Variants in TTC34 observed in about 807,000 individuals in gnomAD.
TTC34 encodes the protein tetratricopeptide repeat domain 34.
In TTC34, 44 loss-of-function variants were observed where a neutral mutation model predicts 40.7. The observed-to-expected ratio is 1.08, with a 90% CI of 0.85 to 1.39. The LOEUF (loss-of-function observed/expected upper bound fraction) is 1.39. TTC34 is among the 40% of genes most tolerant of loss of function. The pLI, the probability that TTC34 is intolerant of heterozygous loss-of-function variation, is 0.00. For missense variants in TTC34, 884 were observed against 838.0 expected (o/e 1.05, Z -0.68); for synonymous variants, 422 against 398.6 (o/e 1.06, Z -0.70).
chr1:2,795,470 G>A (rs1386866859), intron 2 of TTC34, among the ~76,000 whole-genome samples: 2 of 152,190 alleles, frequency 1.3e-5, no homozygotes, highest in African/African-American at 4.8e-5. Flanking sequence ...TCTCTCACTG[G>A]TCATGATTCC....
chr1:2,754,907 G>A (rs1324833795), intron 6 of TTC34, among the ~76,000 whole-genome samples: 1 of 25,690 alleles, frequency 3.9e-5, no homozygotes, highest in Admixed American at 3.8e-4. Flanking sequence ...CACCCCCAGG[G>A]GAGCATCTGA....
rs1368225493 is a variant in TTC34, at chr1:2,641,827, CG to C, written c.2780del (p.Ser927CysfsTer62). On this transcript the variant is annotated frameshift_variant, in exon 9 of 9. Coordinates refer to ENST00000401095, the Ensembl canonical transcript of TTC34. LOFTEE classifies it low-confidence loss of function (END_TRUNC). The stretch of plus-strand genomic sequence containing the variant: ...TGCTGCCACTGGCCAGGACAGACAG[CG>C]AACAGTAGCCCAGCGCCTGCCTGGG... The C allele has an allele frequency of 4.9e-5, 75 of 1,531,482 alleles. No homozygotes were observed. In the African/African-American group the frequency reaches 8.5e-4, roughly 17 times the overall value. 94.9% of individuals were successfully genotyped at this position (1,531,482 alleles called of 1,614,324 possible). A position where few individuals can be genotyped will look rare whatever the true frequency, so the allele number is the denominator to read the frequency against.
intron 6 of TTC34, among the ~76,000 whole-genome samples, chr1:2,653,990 G>C (rs1224972522): frequency 2.0e-5 from 3 of 151,172 alleles, no homozygotes; most frequent in African/African-American, 7.3e-5. Context: ...GCATCGGAGA[G>C]TCTGGAGCAG....
chr1:2,676,909 C>T (rs1639923710), intron 6 of TTC34, among the ~76,000 whole-genome samples: 1 of 135,276 alleles, frequency 7.4e-6, no homozygotes, highest in Admixed American at 7.2e-5. Flanking sequence ...CATCTGACAG[C>T]CTGGAGCAGC....
intron 6 of TTC34, among the ~76,000 whole-genome samples, chr1:2,652,584 A>G (rs1436179276): frequency 6.6e-5 from 10 of 151,884 alleles, no homozygotes; most frequent in Admixed American, 2.6e-4. Context: ...AGCATTGGAC[A>G]GCCTGGAGCA....
intron 6 of TTC34, among the ~76,000 whole-genome samples, chr1:2,754,778 C>T (rs1218247039): frequency 6.7e-6 from 1 of 148,322 alleles, no homozygotes; most frequent in Non-Finnish European, 1.5e-5. Context: ...AGCACCCACA[C>T]CCACAGGTGA....
intron 6 of TTC34, among the ~76,000 whole-genome samples, chr1:2,692,645 T>TCTGACAG (rs1640678773): frequency 1.4e-5 from 1 of 70,020 alleles, no homozygotes; most frequent in Non-Finnish European, 2.7e-5. Context: ...GCATCTGACA[T>TCTGACAG]CGTGGAGCAG....
intron 6 of TTC34, among the ~76,000 whole-genome samples, chr1:2,755,268 A>G (rs1417360698): frequency 0.013 from 114 of 8,446 alleles, no homozygotes; most frequent in East Asian, 0.056. Context: ...ACACCCCCTG[A>G]TGAGCATCTG....
intron 6 of TTC34, among the ~76,000 whole-genome samples, chr1:2,695,579 C>G (rs1015248117): frequency 9.6e-5 from 5 of 52,024 alleles, no homozygotes; most frequent in African/African-American, 3.3e-4. Flanking sequence ...ATCAGACAGC[C>G]TGGAGCAGCA....
chr1:2,795,852 T>C (rs1643706427), intron 2 of TTC34, among the ~76,000 whole-genome samples: 1 of 152,224 alleles, frequency 6.6e-6, no homozygotes, highest in African/African-American at 2.4e-5. Flanking sequence ...ACATCGTGTA[T>C]CGCTGCATGT....
At position 2,686,630 on chromosome 1, in the gene TTC34, C is replaced by A. The variant is rs557721406; in HGVS notation, c.2227-41067G>T. Among the ~76,000 whole-genome samples the A allele has an allele frequency of 1.1e-3, 169 of 149,882 alleles. 3 individuals are homozygous for A. Among genetic ancestry groups the A allele is most frequent in the African/African-American group, 3.6e-3 (143 of 40,228 alleles). ...CAGGCGAGCATCTGACAGCATGTAACAGCACCCACACACCCAGGTGAGCAT... is the reference window on the plus strand; with the variant it reads ...CAGGCGAGCATCTGACAGCATGTAAAAGCACCCACACACCCAGGTGAGCAT... On this transcript the variant is annotated intron_variant, in intron 6 of 8. Coordinates refer to ENST00000401095, the Ensembl canonical transcript of TTC34.
intron 6 of TTC34, among the ~76,000 whole-genome samples, chr1:2,777,568 G>A (rs1643284690): frequency 1.3e-5 from 2 of 152,174 alleles, no homozygotes; most frequent in African/African-American, 4.8e-5. Flanking sequence ...CCAAGGCTGA[G>A]AGACAGGACA....
intron 6 of TTC34, among the ~76,000 whole-genome samples, chr1:2,759,963 A>AAGTGAGCATCTGACAGCCAGACCC (rs1641641417): frequency 1.1e-4 from 4 of 36,638 alleles, no homozygotes; most frequent in Non-Finnish European, 1.9e-4. Context: ...CACCCACACC[A>AAGTGAGCATCTGACAGCCAGACCC]CCAGGTGAGC....
At chr1:2,676,882 C>T (rs1301562686) in intron 6 of TTC34, among the ~76,000 whole-genome samples, 1 of 128,654 alleles carries the variant, frequency 7.8e-6, no homozygotes, top group Non-Finnish European at 1.7e-5. Flanking sequence ...GAGCCGCACC[C>T]CACACCCACA....
chr1:2,750,393 C>T (rs1192501910), intron 6 of TTC34, among the ~76,000 whole-genome samples: 1 of 104,074 alleles, frequency 9.6e-6, no homozygotes, highest in African/African-American at 4.5e-5. Flanking sequence ...CAGCCTGGAA[C>T]AGCACGCACA....
At chr1:2,686,361 C>G (rs1317177557) in intron 6 of TTC34, among the ~76,000 whole-genome samples, 38 of 136,006 alleles carry the variant, frequency 2.8e-4, no homozygotes, top group East Asian at 8.9e-4. Flanking sequence ...GCACCCACAC[C>G]CCCAGGTGCG....
At chr1:2,696,068 A>AC (rs2100390003) in intron 6 of TTC34, among the ~76,000 whole-genome samples, 1 of 145,112 alleles carries the variant, frequency 6.9e-6, no homozygotes. Context: ...CTGGAACAGC[A>AC]CGCGCACCCC....
intron 6 of TTC34, among the ~76,000 whole-genome samples, chr1:2,752,455 C>A (rs1641354182): frequency 4.2e-5 from 6 of 144,190 alleles, no homozygotes; most frequent in Non-Finnish European, 9.1e-5. Flanking sequence ...CCTGCACCCC[C>A]AGGTGCGCAC....
At chr1:2,749,374 A>T (rs1240439445) in intron 6 of TTC34, among the ~76,000 whole-genome samples, 397 of 11,886 alleles carry the variant, frequency 0.033, no homozygotes, top group South Asian at 0.072. Flanking sequence ...CCCAGGTGAG[A>T]CCCTGACAGC....
Sources: allele counts gnomAD v4.1 joint callset (sites outside exome capture counted in the v4.1 genomes callset), GRCh38; gene constraint gnomAD v4.1.1; transcripts MANE v1.5; gene names NCBI Gene and HGNC (gene_info 2026-07-23, HGNC 2026-07-21).